Variants in SGO1 observed in about 807,000 individuals in gnomAD.
SGO1 encodes the protein serologically defined breast cancer antigen NY-BR-85.
Under a neutral mutation model 50.5 loss-of-function variants are expected in SGO1, and 39 were observed. The observed-to-expected ratio is 0.77, with a 90% CI of 0.60 to 1.01. The LOEUF is 1.01. Among genes scored for constraint, SGO1 ranks in the 50% least tolerant of loss-of-function variants. SGO1 has a pLI of 0.00. For synonymous variants in SGO1, 191 were observed against 205.1 expected, an observed-to-expected ratio of 0.93 and a Z score of 0.59; for missense variants, 638 against 606.0, an observed-to-expected ratio of 1.05 and a Z score of -0.55.
At chr3:20,161,018 C>T (rs1700008650) in exon 9 of SGO1, 2 of 1,581,936 alleles carry the variant, frequency 1.3e-6, no homozygotes, top group Non-Finnish European at 1.7e-6. Flanking sequence ...TCCCCCAACA[C>T]ATAAAGCTAG....
rs1376952065 is a variant in SGO1, at chr3:20,170,618, C to A, written c.*86G>T. 1 of 1,417,958 alleles carries A rather than the reference C, an allele frequency of 7.1e-7. No individual in the cohort carries two copies. Among genetic ancestry groups the A allele is most frequent in the Non-Finnish European group, 9.2e-7 (1 of 1,092,588 alleles). The allele number at this position is 1,417,958 out of a possible 1,614,324, so 87.8% of individuals were successfully genotyped here. A position where few individuals can be genotyped will look rare whatever the true frequency, so the allele number is the denominator to read the frequency against. ...AAGAGAATATTCTATGGCAATGGCTCACTCTGTTTGTGTACTCTTACAGAT... is the reference window on the plus strand; with the variant it reads ...AAGAGAATATTCTATGGCAATGGCTAACTCTGTTTGTGTACTCTTACAGAT... On this transcript the variant is annotated 3_prime_UTR_variant, in exon 8 of 8. Transcript: ENST00000412997.
At chr3:20,184,926 C>A (rs77808198) in intron 1 of SGO1, among the ~76,000 whole-genome samples, 2 of 149,798 alleles carry the variant, frequency 1.3e-5, no homozygotes, top group Non-Finnish European at 3.0e-5. Context: ...CTTAAAATTG[C>A]AAAAAAAAAA....
In SGO1 at chr3:20,170,145, T is replaced by A. The variant is rs1355130708; in HGVS notation, c.*559A>T. ...TGGGCTGGGCACAGTGGCTCAGTAA[T>A]CCCAGCACTTTGGGAGGCCGAGGTG... On this transcript the variant is annotated 3_prime_UTR_variant, in exon 8 of 8. Transcript: ENST00000412997. 1.9e-5 allele frequency: 19 copies of A among 980,664 alleles called. No homozygotes were observed. Among genetic ancestry groups the A allele is most frequent in the Non-Finnish European group, 2.3e-5 (19 of 825,736 alleles). The allele number at this position is 980,664 out of a possible 1,614,324, so 60.7% of individuals were successfully genotyped here. A position where few individuals can be genotyped will look rare whatever the true frequency, so the allele number is the denominator to read the frequency against.
At chr3:20,179,240 T>C (rs1701743339) in intron 3 of SGO1, among the ~76,000 whole-genome samples, 1 of 152,106 alleles carries the variant, frequency 6.6e-6, no homozygotes, top group Non-Finnish European at 1.5e-5. Context: ...CAAGGGGAAG[T>C]TGTGCTTTAT....
rs528381096 is a variant in SGO1, at chr3:20,169,787, G to C, written c.*917C>G. On this transcript the variant is annotated 3_prime_UTR_variant, in exon 8 of 8. Transcript: ENST00000412997. ...TTATCTTGTCCCTGAGCCTAAAAAA[G>C]AATCAATTTCTCTAGTCATTTTCCC... is the stretch of plus-strand genomic sequence containing the variant. 1.3e-4 allele frequency: 124 copies of C among 961,774 alleles called. No homozygotes were observed. In the African/African-American group the frequency reaches 2.0e-3, roughly 16 times the overall value. The allele number at this position is 961,774 out of a possible 1,614,324, so 59.6% of individuals were successfully genotyped here.
At chr3:20,172,776 T>A (rs1261664142) in intron 6 of SGO1, among the ~76,000 whole-genome samples, 2 of 125,216 alleles carry the variant, frequency 1.6e-5, no homozygotes, top group African/African-American at 3.1e-5. Flanking sequence ...CAGTGAGACC[T>A]CATCTTCACA....
chr3:20,160,928 T>C (rs1028500544), exon 9 of SGO1: 3 of 863,110 alleles, frequency 3.5e-6, no homozygotes, highest in Non-Finnish European at 5.2e-6. Flanking sequence ...CCTGGGAAAG[T>C]TGCTATCTCT....
At chr3:20,167,654 T>C (rs2125242704), downstream of SGO1, among the ~76,000 whole-genome samples, 1 of 152,320 alleles carries the variant, frequency 6.6e-6, no homozygotes, top group African/African-American at 2.4e-5. Flanking sequence ...TTTTAATGTC[T>C]AATAAAACTA....
intron 8 of SGO1, among the ~76,000 whole-genome samples, chr3:20,161,712 G>A (rs1700048639): frequency 6.6e-6 from 1 of 152,056 alleles, no homozygotes; most frequent in South Asian, 2.1e-4. Flanking sequence ...TGCATAAGGA[G>A]AGAATGGGAA....
At chr3:20,169,401 G>A, downstream of SGO1, 1 of 984,982 alleles carries the variant, frequency 1.0e-6, no homozygotes, top group Non-Finnish European at 1.2e-6. Context: ...GGGGAGGGGA[G>A]AGGAAATGTC....
intron 3 of SGO1, among the ~76,000 whole-genome samples, chr3:20,179,621 G>A (rs772869730): frequency 1.3e-5 from 2 of 151,920 alleles, no homozygotes; most frequent in Admixed American, 6.6e-5. Flanking sequence ...AGAGATGGGA[G>A]TCTTGCTGTG....
At chr3:20,161,867 A>G (rs1162780287) in intron 8 of SGO1, among the ~76,000 whole-genome samples, 1 of 152,238 alleles carries the variant, frequency 6.6e-6, no homozygotes, top group Non-Finnish European at 1.5e-5. Flanking sequence ...AGCCACTACA[A>G]GCAAAAAAGA....
chr3:20,161,558 G>A (rs192931785), intron 8 of SGO1, among the ~76,000 whole-genome samples: 3 of 152,254 alleles, frequency 2.0e-5, no homozygotes, highest in Admixed American at 2.0e-4. Context: ...GGAGTTAAGA[G>A]ACACAGGTTA....
At chr3:20,163,009 C>T (rs930651994) in intron 8 of SGO1, among the ~76,000 whole-genome samples, 4 of 152,052 alleles carry the variant, frequency 2.6e-5, no homozygotes, top group Admixed American at 6.5e-5. Context: ...GGAAAACTTA[C>T]AGCATTAAAA....
At chr3:20,164,912 A>G (rs1387470480), downstream of SGO1, among the ~76,000 whole-genome samples, 1 of 152,200 alleles carries the variant, frequency 6.6e-6, no homozygotes, top group Non-Finnish European at 1.5e-5. Flanking sequence ...AAAATTAGTA[A>G]CTCTTAACCT....
intron 6 of SGO1, 148 bp from the exon 7 acceptor site, chr3:20,171,380 C>T (rs1700728100): frequency 1.7e-6 from 1 of 584,718 alleles, no homozygotes; most frequent in Non-Finnish European, 2.8e-6. Flanking sequence ...ACTGTGTTGC[C>T]CAGGCTGAAG....
chr3:20,163,943 T>G (rs1448671449), intron 8 of SGO1, among the ~76,000 whole-genome samples: 1 of 152,164 alleles, frequency 6.6e-6, no homozygotes, highest in African/African-American at 2.4e-5. Context: ...AATGAATTCG[T>G]AATTTAAAAC....
In SGO1 at chr3:20,161,574, A is replaced by G. The variant is rs541556584; in HGVS notation, c.1565-348T>C. 3.3e-5 allele frequency among the ~76,000 whole-genome samples: 5 copies of G among 152,288 alleles called. No homozygotes were observed. The South Asian group carries it at 1.0e-3, about 32-fold the overall frequency. On this transcript the variant is annotated intron_variant, in intron 8 of 8. Coordinates refer to the SGO1 transcript ENST00000263753. ...GAGTTAAGAGACACAGGTTATACAC[A>G]ATGTGAATTCCATCAGGGCAGAATA...
At chr3:20,180,320 G>T (rs73175213) in intron 3 of SGO1, among the ~76,000 whole-genome samples, 6,952 of 152,178 alleles carry the variant, frequency 0.046, 382 homozygotes, top group East Asian at 0.2. Context: ...AATGTGAATG[G>T]AAGCTGAGGA....
Sources: allele counts gnomAD v4.1 joint callset (sites outside exome capture counted in the v4.1 genomes callset), GRCh38; gene constraint gnomAD v4.1.1; transcripts MANE v1.5; gene names NCBI Gene and HGNC (gene_info 2026-07-23, HGNC 2026-07-21).